The following COL12A1 variants were observed in gnomAD, a reference collection of about 807,000 sequenced individuals.
COL12A1 encodes collagen alpha-1(XII) chain.
COL12A1 carries 114 observed loss-of-function variants against 349.7 expected under a neutral mutation model. The ratio of observed to expected loss-of-function variants is 0.33; its 90% CI spans 0.28 to 0.38. COL12A1 has a LOEUF of 0.38. COL12A1 is among the 10% of genes least tolerant of loss of function. The pLI is 1.00. For synonymous variants in COL12A1, 1,369 were observed against 1,329.0 expected, an observed-to-expected ratio of 1.03 and a Z score of -0.66; for missense variants, 3,284 against 3,756.9, an observed-to-expected ratio of 0.87 and a Z score of 3.29.
intron 52 of COL12A1, 109 bp from the exon 53 acceptor site, chr6:75,106,605 G>A (rs1463643254): frequency 3.4e-6 from 3 of 889,942 alleles, no homozygotes; most frequent in African/African-American, 3.3e-5. Flanking sequence ...TCTCAAGGGT[G>A]TGAGCCATTG....
chr6:75,086,505 T>G lies in COL12A1; in HGVS notation c.*42A>C. On this transcript the variant is annotated 3_prime_UTR_variant, in exon 66 of 66. Coordinates refer to ENST00000322507, the MANE Select transcript of COL12A1 (RefSeq NM_004370.6). ...AAACATCTCAGAAACAGGATTTTCA[T>G]GTATTCAAACTGTAAGCAGCACTGG... 1 of 1,585,844 alleles carries G rather than the reference T, an allele frequency of 6.3e-7. No homozygotes were observed. Among genetic ancestry groups the G allele is most frequent in the South Asian group, 1.1e-5 (1 of 88,154 alleles).
intron 32 of COL12A1, among the ~76,000 whole-genome samples, chr6:75,134,265 A>C (rs1173644698): frequency 6.6e-6 from 1 of 152,120 alleles, no homozygotes; most frequent in African/African-American, 2.4e-5. Context: ...ATTCCAAGCA[A>C]GGATGTTAAA....
intron 8 of COL12A1, 95 bp from the exon 9 acceptor site, chr6:75,184,239 A>G: frequency 7.8e-7 from 1 of 1,287,420 alleles, no homozygotes; most frequent in South Asian, 1.4e-5. Flanking sequence ...CCTTATTCAA[A>G]TTCATCCTAA....
intron 46 of COL12A1, 65 bp from the exon 47 acceptor site, chr6:75,117,611 G>A (rs1769152856): frequency 9.9e-6 from 15 of 1,522,790 alleles, no homozygotes; most frequent in Middle Eastern, 1.8e-4. Context: ...TTAGAACAAT[G>A]CAAAAAAATT....
chr6:75,166,795 C>T (rs374508848), intron 13 of COL12A1, among the ~76,000 whole-genome samples: 23 of 151,942 alleles, frequency 1.5e-4, no homozygotes, highest in South Asian at 1.0e-3. Flanking sequence ...ATATCTTAAA[C>T]GCAGTCATAA....
intron 51 of COL12A1, among the ~76,000 whole-genome samples, chr6:75,110,060 A>G (rs1451103048): frequency 6.6e-6 from 1 of 152,100 alleles, no homozygotes; most frequent in Non-Finnish European, 1.5e-5. Flanking sequence ...CCGCCAAACC[A>G]TAAGTTTACT....
intron 37 of COL12A1, among the ~76,000 whole-genome samples, chr6:75,129,288 T>C (rs781077732): frequency 6.6e-6 from 1 of 152,200 alleles, no homozygotes; most frequent in Non-Finnish European, 1.5e-5. Flanking sequence ...TAAAGGTTAC[T>C]ATATCAAGTT....
rs1441030917 is a variant in COL12A1, at chr6:75,138,821, C to A, written c.5097+1G>T. ...AGAGAAAGATAAAGAGAGTTAACTA[C>A]CTCCATCTTATCTGAGCTTCCAAAA... On this transcript the variant is annotated splice_donor_variant, in intron 28 of 65. Coordinates refer to ENST00000322507, the MANE Select transcript of COL12A1 (RefSeq NM_004370.6). LOFTEE classifies it high-confidence loss of function. 1 of 1,613,756 alleles carries A rather than the reference C, an allele frequency of 6.2e-7. No individual in the cohort carries two copies. The highest frequency in any genetic ancestry group is 8.5e-7 in the Non-Finnish European group (1 of 1,179,896).
intron 60 of COL12A1, 26 bp downstream of exon 60, chr6:75,095,082 A>G (rs1767940785): frequency 6.2e-7 from 1 of 1,607,794 alleles, no homozygotes; most frequent in African/African-American, 1.3e-5. Context: ...AACCACTGTC[A>G]GTAGACATGC....
Position 75,138,980 on chromosome 6 carries a change from A to G in COL12A1, c.4958-19T>C, listed in dbSNP as rs1375564992. 5.0e-6 allele frequency: 8 copies of G among 1,612,294 alleles called. No homozygotes were observed. The South Asian group carries it at 6.6e-5, about 13-fold the overall frequency. ...ACGGGTCCTATCATGAGAAAAGGCA[A>G]GCAGACTAAGTTTTTGAATGTGAGC... is the stretch of plus-strand genomic sequence containing the variant. On this transcript the variant is annotated intron_variant, in intron 27 of 65. Transcript: ENST00000322507.
chr6:75,090,367 T>A lies in COL12A1; in HGVS notation c.8753-69A>T. 1 of 1,424,566 alleles carries A rather than the reference T, an allele frequency of 7.0e-7. No individual in the cohort carries two copies. Among genetic ancestry groups the A allele is most frequent in the Non-Finnish European group, 9.6e-7 (1 of 1,043,668 alleles). The allele number at this position is 1,424,566 out of a possible 1,614,324, so 88.2% of individuals were successfully genotyped here. On this transcript the variant is annotated intron_variant, in intron 62 of 65. Coordinates refer to ENST00000322507, the MANE Select transcript of COL12A1 (RefSeq NM_004370.6). The surrounding 1 kb of genome is among the most constrained non-coding windows in gnomAD (Gnocchi z 4.1). The stretch of plus-strand genomic sequence containing the variant: ...GACGGATGAGAGAGTGAAACTGTTT[T>A]CTCTTAGTGTCTAGTGAAATCCATC...
At chr6:75,093,500 A>C (rs2149331490) in intron 60 of COL12A1, among the ~76,000 whole-genome samples, 1 of 152,352 alleles carries the variant, frequency 6.6e-6, no homozygotes, top group Non-Finnish European at 1.5e-5. Context: ...TAAAATAGGG[A>C]AGAAAAAAAG....
At chr6:75,094,222 G>A (rs962596491) in intron 60 of COL12A1, among the ~76,000 whole-genome samples, 6 of 151,524 alleles carry the variant, frequency 4.0e-5, no homozygotes, top group African/African-American at 7.3e-5. Context: ...TTTTTAACTC[G>A]GGTTTGTAAA....
chr6:75,196,080 G>A (rs1010404971), intron 2 of COL12A1, among the ~76,000 whole-genome samples: 4 of 152,100 alleles, frequency 2.6e-5, no homozygotes, highest in African/African-American at 7.2e-5. Context: ...ACACAAAGAC[G>A]TTTCCTAAAT....
chr6:75,086,709 A>C (rs1767511403), intron 65 of COL12A1, 152 bp from the exon 66 acceptor site: 1 of 301,394 alleles, frequency 3.3e-6, no homozygotes, highest in African/African-American at 2.3e-5. Context: ...TCCCATAAGG[A>C]GGTGGTAATT....
chr6:75,184,643 T>A (rs555748572), intron 8 of COL12A1, among the ~76,000 whole-genome samples: 1 of 152,226 alleles, frequency 6.6e-6, no homozygotes, highest in Non-Finnish European at 1.5e-5. Context: ...CAGGTTCTTA[T>A]AATTTTAAAC....
intron 37 of COL12A1, 107 bp from the exon 38 acceptor site, chr6:75,128,532 A>C: frequency 1.0e-6 from 1 of 969,034 alleles, no homozygotes; most frequent in South Asian, 3.7e-5. Context: ...AGTTTTTTTC[A>C]CATTTTATTT....
At chr6:75,186,031 C>T (rs1296941653) in intron 8 of COL12A1, among the ~76,000 whole-genome samples, 1 of 152,070 alleles carries the variant, frequency 6.6e-6, no homozygotes, top group Non-Finnish European at 1.5e-5. Flanking sequence ...ACAACCTAGG[C>T]AATACCATTC....
At chr6:75,121,110 G>C (rs1769337055) in intron 44 of COL12A1, among the ~76,000 whole-genome samples, 192 bp downstream of exon 44, 1 of 152,088 alleles carries the variant, frequency 6.6e-6, no homozygotes, top group African/African-American at 2.4e-5. Context: ...TAAAAACTAA[G>C]GGAACATTTA....
Sources: allele counts gnomAD v4.1 joint callset (sites outside exome capture counted in the v4.1 genomes callset), GRCh38; gene constraint gnomAD v4.1.1; non-coding constraint Gnocchi (gnomAD v3.1); transcripts MANE v1.5; gene names NCBI Gene and HGNC (gene_info 2026-07-23, HGNC 2026-07-21).